Variants in SLC20A2 observed in about 807,000 individuals in gnomAD.
SLC20A2 encodes the protein sodium-dependent phosphate transporter 2.
SLC20A2 carries 30 observed loss-of-function variants against 61.0 expected under a neutral mutation model. The observed-to-expected ratio is 0.49, with a 90% CI of 0.37 to 0.67. SLC20A2 has a LOEUF of 0.67. Among genes scored for constraint, SLC20A2 ranks in the 30% least tolerant of loss-of-function variants. The pLI is 0.00. For missense variants in SLC20A2, 626 were observed against 866.4 expected, an observed-to-expected ratio of 0.72 and a Z score of 3.48; for synonymous variants, 351 against 353.3, an observed-to-expected ratio of 0.99 and a Z score of 0.07.
At chr8:42,541,726 G>T (rs1204587897) in intron 1 of SLC20A2, 1 of 148,762 alleles carries the variant, frequency 6.7e-6, no homozygotes, top group East Asian at 2.0e-4. Flanking sequence ...CCGCGTCCCC[G>T]CTTCTCCCGG....
Position 42,461,131 on chromosome 8 carries a change from G to A in SLC20A2, c.517-1139C>T, listed in dbSNP as rs1434167316. ...GTGAGGCGTGATGCAGCAAGAGCAG[G>A]GCAGAATGAGACTCAAGTGTGGGAG... On this transcript the variant is annotated intron_variant, in intron 4 of 10. Coordinates refer to ENST00000520262, the MANE Select transcript of SLC20A2 (RefSeq NM_001257180.2). 3.9e-5 allele frequency among the ~76,000 whole-genome samples: 6 copies of A among 152,168 alleles called. No homozygotes were observed. In the East Asian group the frequency reaches 1.2e-3, roughly 29 times the overall value.
At chr8:42,506,942 C>T (rs763715716) in intron 1 of SLC20A2, among the ~76,000 whole-genome samples, 2 of 152,164 alleles carry the variant, frequency 1.3e-5, no homozygotes, top group African/African-American at 2.4e-5. Context: ...TCGAAATGCC[C>T]GCCCTGGCTT....
At chr8:42,504,885 A>AAAAAAAC (rs1810562274), upstream of SLC20A2, among the ~76,000 whole-genome samples, 1 of 143,322 alleles carries the variant, frequency 7.0e-6, no homozygotes, top group Non-Finnish European at 1.5e-5. Flanking sequence ...AAAAAAAAAA[A>AAAAAAAC]AGGCATGTTC....
At chr8:42,534,820 G>A (rs749122397) in intron 1 of SLC20A2, 9 of 152,168 alleles carry the variant, frequency 5.9e-5, no homozygotes, top group Non-Finnish European at 1.3e-4. Context: ...CCAATTTCTG[G>A]GGACCAACAT....
At chr8:42,491,486 C>G (rs1809506872) in intron 1 of SLC20A2, among the ~76,000 whole-genome samples, 1 of 149,090 alleles carries the variant, frequency 6.7e-6, no homozygotes, top group African/African-American at 2.5e-5. Flanking sequence ...GCTTGGGCAA[C>G]AGAGTGAGAC....
At position 42,428,757 on chromosome 8, in the gene SLC20A2, C is replaced by A; in HGVS notation, c.1794+1G>T. On this transcript the variant is annotated splice_donor_variant, in intron 10 of 10. Transcript: ENST00000520262. LOFTEE classifies it high-confidence loss of function. ...AGGGCTCCCGGCTAGCAGGGGCCTA[C>A]CTTACAGTGCGTGGTGCTGACTGGA... is the stretch of plus-strand genomic sequence containing the variant. 6.2e-7 allele frequency: 1 copy of A among 1,610,640 alleles called. No individual in the cohort carries two copies. The highest frequency in any genetic ancestry group is 8.5e-7 in the Non-Finnish European group (1 of 1,178,678).
At chr8:42,468,015 G>T (rs1322874428) in intron 2 of SLC20A2, among the ~76,000 whole-genome samples, 2 of 151,362 alleles carry the variant, frequency 1.3e-5, no homozygotes, top group African/African-American at 4.9e-5. Context: ...CCATTCTCCT[G>T]CCTCAGCCTC....
At chr8:42,539,838 C>T (rs1473911371) in intron 1 of SLC20A2, among the ~76,000 whole-genome samples, 2 of 152,100 alleles carry the variant, frequency 1.3e-5, no homozygotes, top group South Asian at 2.1e-4. Flanking sequence ...ATAAGAGACA[C>T]GGGGCTTTGG....
intron 1 of SLC20A2, among the ~76,000 whole-genome samples, chr8:42,538,658 G>A (rs1417012501): frequency 6.6e-6 from 1 of 152,180 alleles, no homozygotes; most frequent in Non-Finnish European, 1.5e-5. Context: ...AACAGAAGAA[G>A]TCCCTGCATT....
intron 6 of SLC20A2, 136 bp downstream of exon 6, chr8:42,444,510 G>A (rs889457755): frequency 2.9e-6 from 2 of 684,478 alleles, no homozygotes; most frequent in African/African-American, 1.8e-5. Flanking sequence ...CAGGAACGGA[G>A]AGACAGAGGA....
chr8:42,450,332 A>T (rs1805547654), intron 5 of SLC20A2, among the ~76,000 whole-genome samples: 1 of 151,712 alleles, frequency 6.6e-6, no homozygotes, highest in East Asian at 1.9e-4. Context: ...GGTTCAAGCG[A>T]TTCTCCTGCC....
chr8:42,523,990 T>C (rs1212158200), intron 1 of SLC20A2, among the ~76,000 whole-genome samples: 2 of 152,210 alleles, frequency 1.3e-5, no homozygotes, highest in Non-Finnish European at 2.9e-5. Context: ...ACAGTCATTA[T>C]CAATCTTTCG....
chr8:42,429,284 T>G (rs1456182400), intron 9 of SLC20A2, among the ~76,000 whole-genome samples: 1 of 152,220 alleles, frequency 6.6e-6, no homozygotes, highest in Non-Finnish European at 1.5e-5. Context: ...AGTGAGAACT[T>G]AAAACTAGAA....
intron 1 of SLC20A2, among the ~76,000 whole-genome samples, 194 bp downstream of exon 1, chr8:42,500,837 T>C (rs763099019): frequency 1.3e-5 from 2 of 152,184 alleles, no homozygotes; most frequent in East Asian, 1.9e-4. Flanking sequence ...CTTGGGCAAA[T>C]TGAATAAGGC....
At chr8:42,420,520 A>G (rs1271117638) in intron 10 of SLC20A2, among the ~76,000 whole-genome samples, 1 of 152,172 alleles carries the variant, frequency 6.6e-6, no homozygotes, top group African/African-American at 2.4e-5. Flanking sequence ...ATTTATGTTC[A>G]TGTATTTTGA....
chr8:42,473,587 T>TC (rs1807823277), intron 1 of SLC20A2, among the ~76,000 whole-genome samples: 1 of 151,878 alleles, frequency 6.6e-6, no homozygotes, highest in African/African-American at 2.4e-5. Flanking sequence ...GAGCAGCCCC[T>TC]CCCCCATGCC....
chr8:42,525,859 C>T (rs900435456), intron 1 of SLC20A2, among the ~76,000 whole-genome samples: 4 of 152,056 alleles, frequency 2.6e-5, no homozygotes, highest in Non-Finnish European at 4.4e-5. Flanking sequence ...TAGCTCCCAA[C>T]GACAAAAGCT....
At chr8:42,423,281 A>T (rs1803164296) in intron 10 of SLC20A2, among the ~76,000 whole-genome samples, 1 of 151,828 alleles carries the variant, frequency 6.6e-6, no homozygotes, top group Non-Finnish European at 1.5e-5. Context: ...ATTAATTTCT[A>T]GTTTAATTTT....
At position 42,437,362 on chromosome 8, in the gene SLC20A2, T is replaced by C. The variant is rs1185417891; in HGVS notation, c.1150A>G (p.Asn384Asp). 6.2e-7 allele frequency: 1 copy of C among 1,614,140 alleles called. No individual in the cohort carries two copies. The highest frequency in any genetic ancestry group is 8.5e-7 in the Non-Finnish European group (1 of 1,180,024). Residue 384 changes from asparagine to aspartate, a missense_variant, in exon 8 of 11, where the codon AAC (asparagine) becomes GAC (aspartate). Transcript: ENST00000520262. The surrounding 1 kb of genome is among the most constrained non-coding windows in gnomAD (Gnocchi z 6.4). ...ESNYRLLRRN[N>D]SYTCYTAAIC... ...GCTGCGGTGTAGCAGGTGTAACTGT[T>C]GTTTCGGCGCAGCAGCCGGTAGTTG...
Sources: allele counts gnomAD v4.1 joint callset (sites outside exome capture counted in the v4.1 genomes callset), GRCh38; gene constraint gnomAD v4.1.1; non-coding constraint Gnocchi (gnomAD v3.1); transcripts MANE v1.5; gene names NCBI Gene and HGNC (gene_info 2026-07-23, HGNC 2026-07-21).